PTPRT: variants seen among roughly 807,000 people sequenced by gnomAD.
The protein encoded by PTPRT is receptor-type tyrosine-protein phosphatase T.
A neutral mutation model predicts 176.8 loss-of-function variants in PTPRT; 56 were observed. The observed-to-expected ratio is 0.32, with a 90% CI of 0.26 to 0.40. PTPRT has a LOEUF of 0.40. PTPRT is among the 10% of genes least tolerant of loss of function. The pLI is 1.00. For synonymous variants in PTPRT, 783 were observed against 739.0 expected (o/e 1.06, Z -0.96); for missense variants, 1,540 against 1,908.2 (o/e 0.81, Z 3.60).
Position 42,102,435 on chromosome 20 carries a change from C to T in PTPRT, c.3541-138G>A, listed in dbSNP as rs73909209. On this transcript the variant is annotated intron_variant, in intron 25 of 30. Transcript: ENST00000373187. ...AGCCCCACTCTCCCTTTCCCGGGAC[C>T]CATTTCTCTTCCACGGTGATGTTCT... The T allele has an allele frequency of 1.3e-3, 1,202 of 934,358 alleles. 10 individuals carry two copies. In the African/African-American group the frequency reaches 0.017, roughly 13 times the overall value. 57.9% of individuals were successfully genotyped at this position (934,358 alleles called of 1,614,324 possible).
At chr20:42,404,987 T>TATATATATATATATATATATATAC (rs1555843282) in intron 9 of PTPRT, among the ~76,000 whole-genome samples, 20 of 135,894 alleles carry the variant, frequency 1.5e-4, no homozygotes, top group African/African-American at 3.8e-4. Context: ...TATATATATA[T>TATATATATATATATATATATATAC]ACACACACAC....
At chr20:43,119,015 A>G (rs570873417) in intron 1 of PTPRT, among the ~76,000 whole-genome samples, 11 of 152,350 alleles carry the variant, frequency 7.2e-5, no homozygotes, top group African/African-American at 2.4e-4. Flanking sequence ...CCCTTTTTAC[A>G]ATAGTAAAAT....
At chr20:42,396,551 T>C (rs2058851460) in intron 9 of PTPRT, among the ~76,000 whole-genome samples, 2 of 152,148 alleles carry the variant, frequency 1.3e-5, no homozygotes, top group Non-Finnish European at 2.9e-5. Context: ...GTCTCTCCCG[T>C]GAGGCCCTTT....
intron 7 of PTPRT, among the ~76,000 whole-genome samples, chr20:42,547,372 T>C (rs1033642): frequency 0.15 from 22,254 of 152,014 alleles, 1,771 homozygotes; most frequent in East Asian, 0.22. Flanking sequence ...ACTTTCTATA[T>C]GTATATGTGA....
intron 1 of PTPRT, among the ~76,000 whole-genome samples, chr20:43,007,162 A>G (rs539210852): frequency 1.3e-5 from 2 of 152,344 alleles, no homozygotes; most frequent in East Asian, 3.9e-4. Flanking sequence ...TCACTTATGT[A>G]GAAAATAAAG....
At chr20:43,002,604 T>G (rs117455660) in intron 1 of PTPRT, among the ~76,000 whole-genome samples, 2,949 of 152,224 alleles carry the variant, frequency 0.019, 83 homozygotes, top group East Asian at 0.068. Context: ...AAATAATTAT[T>G]TCAACAGCTT....
chr20:42,419,231 G>A (rs917368635), intron 9 of PTPRT, among the ~76,000 whole-genome samples: 19 of 152,186 alleles, frequency 1.2e-4, no homozygotes, highest in Non-Finnish European at 2.6e-4. Context: ...CACCCAATAT[G>A]TGGCCAAGAC....
chr20:42,762,525 C>T (rs1264472729), intron 5 of PTPRT, among the ~76,000 whole-genome samples: 1 of 152,210 alleles, frequency 6.6e-6, no homozygotes, highest in Non-Finnish European at 1.5e-5. Flanking sequence ...GGTCACTGCA[C>T]CAACAGTGCC....
chr20:42,506,846 A>G (rs180732759), intron 7 of PTPRT, among the ~76,000 whole-genome samples: 1 of 152,214 alleles, frequency 6.6e-6, no homozygotes, highest in East Asian at 1.9e-4. Context: ...CAGTGAGTCT[A>G]TGTTTTCTCA....
intron 22 of PTPRT, among the ~76,000 whole-genome samples, chr20:42,114,453 G>C (rs1435318044): frequency 6.6e-6 from 1 of 152,188 alleles, no homozygotes; most frequent in Non-Finnish European, 1.5e-5. Flanking sequence ...TATGTAACAT[G>C]TTATAAATAT....
At chr20:42,483,285 C>T (rs997141247) in intron 7 of PTPRT, among the ~76,000 whole-genome samples, 1 of 152,172 alleles carries the variant, frequency 6.6e-6, no homozygotes, top group Non-Finnish European at 1.5e-5. Flanking sequence ...CCTGCCTCTG[C>T]CTCCCAAATA....
chr20:42,906,436 T>C (rs1239707390), intron 1 of PTPRT, among the ~76,000 whole-genome samples: 1 of 152,196 alleles, frequency 6.6e-6, no homozygotes, highest in Non-Finnish European at 1.5e-5. Context: ...CCTTGCACTT[T>C]TTCTCCAAGC....
intron 27 of PTPRT, among the ~76,000 whole-genome samples, chr20:42,089,701 G>A (rs1984403799): frequency 6.6e-6 from 1 of 152,192 alleles, no homozygotes. Flanking sequence ...AGCAGCAGCA[G>A]AATGGGTGAA....
intron 1 of PTPRT, among the ~76,000 whole-genome samples, chr20:43,088,433 A>G (rs2011694494): frequency 6.6e-6 from 1 of 150,738 alleles, no homozygotes; most frequent in Admixed American, 6.6e-5. Flanking sequence ...CATCATCGTG[A>G]ATCCACTCCT....
At chr20:42,913,483 C>T (rs78468618) in intron 1 of PTPRT, among the ~76,000 whole-genome samples, 189 of 152,182 alleles carry the variant, frequency 1.2e-3, no homozygotes, top group African/African-American at 4.4e-3. Context: ...TACAAGGATA[C>T]CAATCATACT....
At chr20:42,252,115 T>C (rs1218843539) in intron 13 of PTPRT, among the ~76,000 whole-genome samples, 1 of 152,230 alleles carries the variant, frequency 6.6e-6, no homozygotes, top group East Asian at 1.9e-4. Flanking sequence ...ATGGATTGGA[T>C]ATGGGGAATA....
At position 42,110,361 on chromosome 20, in the gene PTPRT, C is replaced by T; in HGVS notation, c.3226G>A (p.Glu1076Lys). The T allele has an allele frequency of 6.2e-7, 1 of 1,612,530 alleles. No homozygotes were observed. The highest frequency in any genetic ancestry group is 1.1e-5 in the South Asian group (1 of 90,882). Residue 1076 changes from glutamate (E) to lysine (K), a missense_variant, in exon 23 of 31, where the codon GAA (glutamate) becomes AAA (lysine). Physicochemically the swap from Glu to Lys is moderately conservative, Grantham distance 56 (BLOSUM62 1). Transcript: ENST00000373187. ...CAGTGGACCACTATGGGCCCAGCTTCCGGGGGGTTGAGGAACTTGACCTGG... is the reference window on the plus strand; with the variant it reads ...CAGTGGACCACTATGGGCCCAGCTTTCGGGGGGTTGAGGAACTTGACCTGG... ...VRQVKFLNPP[E>K]AGPIVVHCSA...
intron 2 of PTPRT, 132 bp downstream of exon 2, chr20:42,885,675 G>A (rs1415275350): frequency 3.4e-6 from 4 of 1,159,900 alleles, no homozygotes; most frequent in Non-Finnish European, 4.7e-6. Flanking sequence ...TCTGAGTGTG[G>A]GGAACTCACT....
intron 1 of PTPRT, among the ~76,000 whole-genome samples, chr20:43,055,458 T>C (rs1987199002): frequency 6.6e-6 from 1 of 152,132 alleles, no homozygotes; most frequent in African/African-American, 2.4e-5. Flanking sequence ...TGTTCACCAA[T>C]ATTAAGTCTT....
Sources: gnomAD v4.1 joint callset for allele counts (sites outside exome capture counted in the v4.1 genomes callset) on GRCh38, gnomAD v4.1.1 for gene constraint, MANE v1.5 for transcripts, NCBI Gene and HGNC (gene_info 2026-07-23, HGNC 2026-07-21) for gene names.